NOX4: variants seen among roughly 807,000 people sequenced by gnomAD.
NOX4 encodes the protein NADPH oxidase 4.
Under a neutral mutation model 87.6 loss-of-function variants are expected in NOX4, and 69 were observed. That is an observed-to-expected ratio of 0.79 (90% CI 0.65 to 0.96). The LOEUF (loss-of-function observed/expected upper bound fraction) is 0.96, where lower values mean the gene tolerates loss of function less well. Among genes scored for constraint, NOX4 ranks in the 40% least tolerant of loss-of-function variants. NOX4 has a pLI of 0.00. For synonymous variants in NOX4, 275 were observed against 238.2 expected, an observed-to-expected ratio of 1.15 and a Z score of -1.42; for missense variants, 680 against 681.5, an observed-to-expected ratio of 1.00 and a Z score of 0.02.
intron 12 of NOX4, among the ~76,000 whole-genome samples, chr11:89,367,485 T>A (rs1181361356): frequency 3.3e-5 from 5 of 152,132 alleles, no homozygotes; most frequent in Admixed American, 2.6e-4. Flanking sequence ...TGCATCTTCC[T>A]AATGACATGA....
Position 89,491,204 on chromosome 11 carries a change from T to C in NOX4, c.43A>G (p.Lys15Glu), listed in dbSNP as rs1312345651. The C allele has an allele frequency of 3.1e-6, 5 of 1,613,750 alleles. No homozygotes were observed. Among genetic ancestry groups the C allele is most frequent in the East Asian group, 4.5e-5 (2 of 44,860 alleles). The change falls in exon 1 of 18, where the codon AAA becomes GAA. Residue 15 changes from lysine (K) to glutamate (E), a missense_variant. Physicochemically the swap from Lys to Glu is moderately conservative, Grantham distance 56. Coordinates refer to ENST00000263317, the MANE Select transcript of NOX4 (RefSeq NM_016931.5). The stretch of plus-strand genomic sequence containing the variant: ...CGCCATCCTACCAGGCAGAGGTGTT[T>C]AACCCCTTCGTTGGCGAGCCAGCTC... ...WRSWLANEGV[K>E]HLCLFIWLSM...
At chr11:89,327,104 C>A (rs1401805868) in intron 17 of NOX4, among the ~76,000 whole-genome samples, 2 of 152,106 alleles carry the variant, frequency 1.3e-5, no homozygotes, top group Non-Finnish European at 2.9e-5. Flanking sequence ...AAAGAATGTA[C>A]CTATGAGCAC....
intron 11 of NOX4, among the ~76,000 whole-genome samples, chr11:89,381,670 A>G (rs1446018924): frequency 1.4e-5 from 2 of 147,932 alleles, no homozygotes; most frequent in African/African-American, 5.0e-5. Context: ...GACATGAGTG[A>G]AATTTGGTGC....
In NOX4 at chr11:89,432,927, T is replaced by G. The variant is rs186985594; in HGVS notation, c.476-71A>C. ...AAAAAAATACAAAAAATGATTATAT[T>G]AGAATCCGAAATACTGTGCTGTTCT... On this transcript the variant is annotated intron_variant, in intron 6 of 17. Transcript: ENST00000263317. 3 of 1,022,964 alleles carry G rather than the reference T, an allele frequency of 2.9e-6. No individual in the cohort carries two copies. In the African/African-American group the frequency reaches 4.8e-5, roughly 16 times the overall value. The allele number at this position is 1,022,964 out of a possible 1,614,324, so 63.4% of individuals were successfully genotyped here.
chr11:89,419,869 GT>G (rs535996378), intron 8 of NOX4, among the ~76,000 whole-genome samples: 4 of 151,576 alleles, frequency 2.6e-5, no homozygotes, highest in Middle Eastern at 3.5e-3. Context: ...CAAAGAAATA[GT>G]TTTTTTTCAG....
chr11:89,575,503 T>C, the NOX4 span, among the ~76,000 whole-genome samples: 4 of 152,180 alleles, frequency 2.6e-5, no homozygotes, highest in African/African-American at 7.2e-5. Flanking sequence ...AATATAATCA[T>C]TGATTTATTC....
At position 89,412,822 on chromosome 11, in the gene NOX4, G is replaced by T. The variant is rs374763182; in HGVS notation, c.629+9080C>A. ...AGCAAAGACAATCAAAGCAAAAATAGACAAATGGAATTACATCAAATTAAA... is the reference window on the plus strand; with the variant it reads ...AGCAAAGACAATCAAAGCAAAAATATACAAATGGAATTACATCAAATTAAA... On this transcript the variant is annotated intron_variant, in intron 8 of 17. Coordinates refer to ENST00000263317, the MANE Select transcript of NOX4 (RefSeq NM_016931.5). Among the ~76,000 whole-genome samples, 8 of 152,058 alleles carry T rather than the reference G, an allele frequency of 5.3e-5. No homozygotes were observed. The South Asian group carries it at 8.3e-4, about 16-fold the overall frequency.
At chr11:89,348,476 G>C (rs1322676875) in intron 13 of NOX4, among the ~76,000 whole-genome samples, 1 of 151,352 alleles carries the variant, frequency 6.6e-6, no homozygotes, top group African/African-American at 2.4e-5. Context: ...TATATGCCAG[G>C]CCTGGTGGCA....
At chr11:89,569,793 G>C in the NOX4 span, among the ~76,000 whole-genome samples, 2 of 151,866 alleles carry the variant, frequency 1.3e-5, no homozygotes, top group African/African-American at 4.8e-5. Flanking sequence ...CACAAGGTCA[G>C]GAGATCGAGA....
chr11:89,475,386 A>G (rs1946124902), intron 2 of NOX4, among the ~76,000 whole-genome samples: 2 of 152,084 alleles, frequency 1.3e-5, no homozygotes, highest in African/African-American at 4.8e-5. Context: ...TTTGAAGAAT[A>G]ATATTGTCTT....
chr11:89,561,141 T>G, the NOX4 span, among the ~76,000 whole-genome samples: 27 of 136,580 alleles, frequency 2.0e-4, no homozygotes, highest in Non-Finnish European at 4.0e-4. Flanking sequence ...AGGAAACGAA[T>G]ACACCACCTC....
At chr11:89,489,643 G>C (rs1946767883) in intron 2 of NOX4, among the ~76,000 whole-genome samples, 1 of 150,524 alleles carries the variant, frequency 6.6e-6, no homozygotes, top group South Asian at 2.1e-4. Flanking sequence ...CAGGAGAATT[G>C]CTTGAACCAG....
At chr11:89,507,285 T>C in the NOX4 span, among the ~76,000 whole-genome samples, 252 of 151,924 alleles carry the variant, frequency 1.7e-3, no homozygotes, top group African/African-American at 5.8e-3. Flanking sequence ...TACCCAATTG[T>C]ACCTTTTACA....
At chr11:89,478,200 T>A (rs1188494875) in intron 2 of NOX4, among the ~76,000 whole-genome samples, 1 of 148,216 alleles carries the variant, frequency 6.7e-6, no homozygotes, top group Middle Eastern at 3.2e-3. Context: ...CCCTGTCCCC[T>A]GACAAAAAAA....
At chr11:89,515,058 C>A in the NOX4 span, among the ~76,000 whole-genome samples, 3,317 of 152,066 alleles carry the variant, frequency 0.022, 108 homozygotes, top group African/African-American at 0.075. Flanking sequence ...AGAATAAATA[C>A]AATTTTTATG....
chr11:89,514,969 C>T, the NOX4 span, among the ~76,000 whole-genome samples: 1 of 151,908 alleles, frequency 6.6e-6, no homozygotes, highest in Non-Finnish European at 1.5e-5. Context: ...GAGTATTATT[C>T]CATGGAATGA....
intron 11 of NOX4, among the ~76,000 whole-genome samples, chr11:89,394,637 C>T (rs750575886): frequency 8.6e-5 from 13 of 152,000 alleles, no homozygotes; most frequent in Admixed American, 1.3e-4. Flanking sequence ...TTTCTCCTAA[C>T]GCTATCCCTC....
chr11:89,482,907 C>T (rs915142885), intron 2 of NOX4, among the ~76,000 whole-genome samples: 6 of 152,036 alleles, frequency 3.9e-5, no homozygotes, highest in African/African-American at 1.4e-4. Context: ...TGTTTCAGAA[C>T]CTCACCTGGA....
chr11:89,499,876 CA>C (rs78932927), upstream of NOX4, among the ~76,000 whole-genome samples: 11 of 151,878 alleles, frequency 7.2e-5, no homozygotes, highest in Admixed American at 2.6e-4. Flanking sequence ...GAGCACCTCT[CA>C]TTATTATTTA....
Sources: gnomAD v4.1 joint callset for allele counts (sites outside exome capture counted in the v4.1 genomes callset) on GRCh38, gnomAD v4.1.1 for gene constraint, MANE v1.5 for transcripts, NCBI Gene and HGNC (gene_info 2026-07-23, HGNC 2026-07-21) for gene names.